ANKRD30A: variants seen among roughly 807,000 people sequenced by gnomAD.
ANKRD30A encodes the protein ankyrin repeat domain 30A.
Under a neutral mutation model 166.3 loss-of-function variants are expected in ANKRD30A, and 170 were observed. That is an observed-to-expected ratio of 1.02 (90% CI 0.90 to 1.16). ANKRD30A has a LOEUF of 1.16. ANKRD30A is among the 50% of genes most tolerant of loss of function. ANKRD30A has a pLI of 0.00. For missense variants in ANKRD30A, 1,630 were observed against 1,518.0 expected (o/e 1.07, Z -1.23); for synonymous variants, 564 against 508.9 (o/e 1.11, Z -1.46).
chr10:37,144,747 T>G (rs1837380134), intron 7 of ANKRD30A, among the ~76,000 whole-genome samples: 1 of 152,140 alleles, frequency 6.6e-6, no homozygotes, highest in Non-Finnish European at 1.5e-5. Context: ...TGTGAAGAAA[T>G]AATTAATACA....
the ANKRD30A span, chr10:37,241,830 T>C: frequency 6.6e-6 from 1 of 152,152 alleles, no homozygotes; most frequent in Non-Finnish European, 1.5e-5. Context: ...TTGGTTAGCT[T>C]TTGGAAACAG....
At chr10:37,197,571 A>G in intron 29 of ANKRD30A, 91 bp downstream of exon 29, 3 of 1,581,866 alleles carry the variant, frequency 1.9e-6, no homozygotes, top group Non-Finnish European at 2.6e-6. Flanking sequence ...ATTTTTTTCA[A>G]CTTTGATGAT....
At chr10:37,192,157 C>T (rs1410223546) in intron 25 of ANKRD30A, among the ~76,000 whole-genome samples, 1 of 152,016 alleles carries the variant, frequency 6.6e-6, no homozygotes, top group Admixed American at 6.6e-5. Flanking sequence ...GCACCTCAGG[C>T]ACCCAAGTAG....
At position 37,162,694 on chromosome 10, in the gene ANKRD30A, T is replaced by C; in HGVS notation, c.1929+17T>C. On this transcript the variant is annotated intron_variant, in intron 16 of 35. Coordinates refer to ENST00000361713, the MANE Select transcript of ANKRD30A (RefSeq NM_052997.3). ...GCCTTCGAGGTATTTAGTTTTATGA[T>C]TTCATTTTGAATGACTTATTATCTA... is the stretch of plus-strand genomic sequence containing the variant. 1 of 1,612,946 alleles carries C rather than the reference T, an allele frequency of 6.2e-7. No homozygotes were observed. The highest frequency in any genetic ancestry group is 8.5e-7 in the Non-Finnish European group (1 of 1,179,794).
At chr10:37,212,356 A>C (rs1000218031) in intron 31 of ANKRD30A, among the ~76,000 whole-genome samples, 1 of 152,070 alleles carries the variant, frequency 6.6e-6, no homozygotes, top group African/African-American at 2.4e-5. Context: ...ACCACTGCCC[A>C]ATGAAATAAA....
downstream of ANKRD30A, among the ~76,000 whole-genome samples, chr10:37,232,891 TA>T (rs142064765): frequency 0.54 from 68,443 of 126,660 alleles, 18,235 homozygotes; most frequent in East Asian, 0.72. Flanking sequence ...TAGCCCCTGT[TA>T]AAAAAAAAAA....
At chr10:37,259,208 C>T in the ANKRD30A span, among the ~76,000 whole-genome samples, 37 of 152,096 alleles carry the variant, frequency 2.4e-4, no homozygotes, top group South Asian at 1.9e-3. Context: ...AAACTTATAT[C>T]CAGAATATAT....
chr10:37,163,138 A>C (rs1483857630), intron 17 of ANKRD30A, among the ~76,000 whole-genome samples: 1 of 149,976 alleles, frequency 6.7e-6, no homozygotes, highest in Non-Finnish European at 1.5e-5. Context: ...AAGAAGGTGA[A>C]TGTTGAAACT....
intron 33 of ANKRD30A, 134 bp downstream of exon 33, chr10:37,218,012 C>A (rs1842694101): frequency 1.9e-6 from 1 of 537,190 alleles, no homozygotes; most frequent in Non-Finnish European, 3.0e-6. Context: ...TTAACTATCA[C>A]ATTTGTAGCT....
intron 34 of ANKRD30A, among the ~76,000 whole-genome samples, chr10:37,229,769 T>C (rs1423679125): frequency 6.6e-6 from 1 of 151,954 alleles, no homozygotes; most frequent in Admixed American, 6.6e-5. Context: ...ACCCTTTTGA[T>C]TTGTTTTCTT....
At chr10:37,210,335 G>A (rs2132717565) in intron 31 of ANKRD30A, among the ~76,000 whole-genome samples, 2 of 152,200 alleles carry the variant, frequency 1.3e-5, no homozygotes, top group South Asian at 4.2e-4. Context: ...TGGTGTATAT[G>A]TGCCACATTT....
At chr10:37,229,504 C>G (rs1843319248) in intron 34 of ANKRD30A, among the ~76,000 whole-genome samples, 1 of 151,908 alleles carries the variant, frequency 6.6e-6, no homozygotes, top group Admixed American at 6.6e-5. Context: ...CTGTTGGGAA[C>G]ATTTCCAATC....
At chr10:37,238,413 C>T in the ANKRD30A span, among the ~76,000 whole-genome samples, 8 of 152,090 alleles carry the variant, frequency 5.3e-5, no homozygotes, top group African/African-American at 1.9e-4. Flanking sequence ...TATACATGTG[C>T]CATGTTGGTG....
chr10:37,156,032 G>T (rs1011069531), intron 13 of ANKRD30A, among the ~76,000 whole-genome samples: 6 of 150,610 alleles, frequency 4.0e-5, no homozygotes, highest in African/African-American at 1.5e-4. Flanking sequence ...AGCGAGCCAA[G>T]ATCTCGCCAG....
At chr10:37,166,340 A>T (rs1385013810) in intron 18 of ANKRD30A, among the ~76,000 whole-genome samples, 7 of 152,224 alleles carry the variant, frequency 4.6e-5, no homozygotes, top group South Asian at 4.1e-4. Flanking sequence ...TGCACGAGTG[A>T]ATTTTTTTGT....
intron 8 of ANKRD30A, among the ~76,000 whole-genome samples, chr10:37,145,929 G>A (rs1772905606): frequency 6.6e-6 from 1 of 152,296 alleles, no homozygotes; most frequent in Admixed American, 6.5e-5. Flanking sequence ...ATTTGGTTGA[G>A]TAGTATTTTA....
intron 25 of ANKRD30A, among the ~76,000 whole-genome samples, chr10:37,191,405 A>G (rs1190444322): frequency 6.6e-6 from 1 of 151,998 alleles, no homozygotes; most frequent in East Asian, 1.9e-4. Flanking sequence ...TGGCTTCTCA[A>G]TGACAGGACA....
chr10:37,248,172 C>T, the ANKRD30A span: 96 of 634,884 alleles, frequency 1.5e-4, no homozygotes, highest in Non-Finnish European at 2.0e-4. Flanking sequence ...GTCTTGCACT[C>T]GGGAGAGCAT....
At position 37,192,974 on chromosome 10, in the gene ANKRD30A, G is replaced by A. The variant is rs1343643194; in HGVS notation, c.2513-90G>A. On this transcript the variant is annotated intron_variant, in intron 25 of 35. Coordinates refer to ENST00000361713, the MANE Select transcript of ANKRD30A (RefSeq NM_052997.3). ...AATCCCTTTTGCAATCCAAGCATGA[G>A]GATTCATCTTCATGTTGACAGTGCG... 1.8e-5 allele frequency: 26 copies of A among 1,474,542 alleles called. No individual in the cohort carries two copies. The East Asian group carries it at 5.9e-4, about 34-fold the overall frequency. The allele number at this position is 1,474,542 out of a possible 1,614,324, so 91.3% of individuals were successfully genotyped here.
Sources: allele counts gnomAD v4.1 joint callset (sites outside exome capture counted in the v4.1 genomes callset), GRCh38; gene constraint gnomAD v4.1.1; transcripts MANE v1.5; gene names NCBI Gene and HGNC (gene_info 2026-07-23, HGNC 2026-07-21).